ATP11B: variants seen among roughly 807,000 people sequenced by gnomAD.
The protein encoded by ATP11B is phospholipid-transporting ATPase IF.
Under a neutral mutation model 157.8 loss-of-function variants are expected in ATP11B, and 81 were observed. The ratio of observed to expected loss-of-function variants is 0.51; its 90% CI spans 0.43 to 0.62. The LOEUF (loss-of-function observed/expected upper bound fraction) is 0.62, where lower values mean the gene tolerates loss of function less well. Among genes scored for constraint, ATP11B ranks in the 20% least tolerant of loss-of-function variants. The pLI is 0.00. For missense variants in ATP11B, 1,165 were observed against 1,402.2 expected (o/e 0.83, Z 2.70); for synonymous variants, 451 against 469.4 (o/e 0.96, Z 0.51).
At chr3:182,844,826 C>T (rs566631702) in intron 8 of ATP11B, among the ~76,000 whole-genome samples, 39 of 152,040 alleles carry the variant, frequency 2.6e-4, no homozygotes, top group Middle Eastern at 6.8e-3. Context: ...TTTTAAATCG[C>T]TGCTTACTCT....
At chr3:182,849,576 A>G (rs2108523719) in intron 10 of ATP11B, among the ~76,000 whole-genome samples, 1 of 152,344 alleles carries the variant, frequency 6.6e-6, no homozygotes, top group Admixed American at 6.5e-5. Context: ...AAAACACAGC[A>G]GAGAAATGAA....
chr3:182,835,139 G>A (rs894608743), intron 4 of ATP11B, among the ~76,000 whole-genome samples: 4 of 152,118 alleles, frequency 2.6e-5, no homozygotes, highest in African/African-American at 9.7e-5. Context: ...AGGTACAAGA[G>A]GTAGAGGAGG....
intron 28 of ATP11B, among the ~76,000 whole-genome samples, chr3:182,913,208 A>G (rs939553385): frequency 3.3e-5 from 5 of 152,246 alleles, no homozygotes; most frequent in African/African-American, 1.2e-4. Flanking sequence ...GGATGAGCTG[A>G]TGATGGGATG....
chr3:182,889,723 CAG>C (rs964425265), intron 25 of ATP11B, among the ~76,000 whole-genome samples, 175 bp downstream of exon 25: 1 of 152,096 alleles, frequency 6.6e-6, no homozygotes, highest in African/African-American at 2.4e-5. Context: ...TGAAAATTGA[CAG>C]GCAATACAGT....
chr3:182,811,316 A>G (rs1471522958), intron 1 of ATP11B, among the ~76,000 whole-genome samples: 2 of 152,224 alleles, frequency 1.3e-5, no homozygotes, highest in African/African-American at 2.4e-5. Flanking sequence ...TTTATGTTCA[A>G]ATAGAAGGTT....
chr3:182,834,378 G>A (rs569517113), intron 4 of ATP11B, among the ~76,000 whole-genome samples: 4 of 151,872 alleles, frequency 2.6e-5, no homozygotes, highest in Middle Eastern at 3.4e-3. Context: ...TTTTTTAAGG[G>A]AAACAGCACA....
chr3:182,794,481 A>G (rs1715474501), intron 1 of ATP11B, among the ~76,000 whole-genome samples: 1 of 152,162 alleles, frequency 6.6e-6, no homozygotes. Flanking sequence ...CCCCACCCCG[A>G]GTGAAACTTT....
intron 2 of ATP11B, among the ~76,000 whole-genome samples, chr3:182,824,431 T>A (rs1458806712): frequency 6.6e-6 from 1 of 152,224 alleles, no homozygotes; most frequent in Non-Finnish European, 1.5e-5. Context: ...CAATTTATAC[T>A]TCTTCCATTT....
intron 1 of ATP11B, among the ~76,000 whole-genome samples, chr3:182,807,454 C>T (rs991220698): frequency 6.6e-6 from 1 of 152,176 alleles, no homozygotes; most frequent in Non-Finnish European, 1.5e-5. Flanking sequence ...TCCTCTTACA[C>T]ATGTTATATA....
In ATP11B at chr3:182,793,579, G is replaced by A; in HGVS notation, c.-181G>A. On this transcript the variant is annotated 5_prime_UTR_variant, in exon 1 of 30. It removes the in-frame stop codon of an upstream open reading frame in the 5' UTR. Transcript: ENST00000323116. ...GGGCGGCGCCGGGGCCGCGCCTGTA[G>A]GACTCGGGGCCGACGCCGCGGGATG... 1 of 376,368 alleles carries A rather than the reference G, an allele frequency of 2.7e-6. No individual in the cohort carries two copies. The highest frequency in any genetic ancestry group is 4.7e-6 in the Non-Finnish European group (1 of 213,210). 23.3% of individuals were successfully genotyped at this position (376,368 alleles called of 1,614,324 possible). A position where few individuals can be genotyped will look rare whatever the true frequency, so the allele number is the denominator to read the frequency against.
chr3:182,823,141 G>T (rs1324894299), intron 2 of ATP11B, among the ~76,000 whole-genome samples: 1 of 152,150 alleles, frequency 6.6e-6, no homozygotes. Flanking sequence ...TGTCAATTTT[G>T]GCTTTTGTTG....
intron 10 of ATP11B, among the ~76,000 whole-genome samples, chr3:182,856,599 G>A (rs942165565): frequency 5.9e-5 from 9 of 152,066 alleles, no homozygotes; most frequent in African/African-American, 2.4e-5. Context: ...CTCTTGATCC[G>A]GGTGTTCTCA....
intron 12 of ATP11B, among the ~76,000 whole-genome samples, chr3:182,860,135 A>G (rs1253427684): frequency 6.6e-6 from 1 of 151,948 alleles, no homozygotes; most frequent in Non-Finnish European, 1.5e-5. Flanking sequence ...ATGTCTTCCT[A>G]CCTGTGGCTT....
intron 1 of ATP11B, among the ~76,000 whole-genome samples, chr3:182,817,657 G>T (rs999870229): frequency 6.6e-6 from 1 of 152,130 alleles, no homozygotes; most frequent in Non-Finnish European, 1.5e-5. Flanking sequence ...TGTGGTCATT[G>T]GTTCTTATCA....
At chr3:182,857,563 T>TAA (rs35003893) in intron 10 of ATP11B, among the ~76,000 whole-genome samples, 276 of 144,092 alleles carry the variant, frequency 1.9e-3, no homozygotes, top group East Asian at 6.0e-3. Context: ...GCTGAAAATG[T>TAA]AAAAAAAAAA....
chr3:182,879,541 G>A lies in ATP11B; in HGVS notation c.2298G>A (p.Gly766=), dbSNP rs748444531. 8 of 1,613,506 alleles carry A rather than the reference G, an allele frequency of 5.0e-6. No individual in the cohort carries two copies. The highest frequency in any genetic ancestry group is 5.1e-6 in the Non-Finnish European group (6 of 1,179,752). Residue 766 remains glycine, a synonymous_variant, in exon 20 of 30, where the codon GGG becomes GGA. Transcript: ENST00000323116. ...TTCAGCATGGGCTGGTAGTGGATGG[G>A]ACCAGCCTATCTCTTGCACTCAGGG... ...HVIQHGLVVD[G]TSLSLALREH...
At chr3:182,875,966 G>A (rs549565210) in intron 19 of ATP11B, among the ~76,000 whole-genome samples, 3 of 152,068 alleles carry the variant, frequency 2.0e-5, no homozygotes, top group Middle Eastern at 3.4e-3. Context: ...TTTTTTTCTG[G>A]CTGGGCACAG....
At position 182,899,652 on chromosome 3, in the gene ATP11B, A is replaced by C. The variant is rs571337780; in HGVS notation, c.3318+880A>C. Among the ~76,000 whole-genome samples, 21 of 152,338 alleles carry C rather than the reference A, an allele frequency of 1.4e-4. No individual in the cohort carries two copies. The South Asian group carries it at 4.4e-3, about 32-fold the overall frequency. ...TTTGGGGCCTGATAGATCTCAGTTC[A>C]AATCCCAGGTCTTCCACTTGGTATC... is the stretch of plus-strand genomic sequence containing the variant. On this transcript the variant is annotated intron_variant, in intron 28 of 29. Coordinates refer to ENST00000323116, the MANE Select transcript of ATP11B (RefSeq NM_014616.3).
At chr3:182,865,820 A>G in intron 13 of ATP11B, 122 bp downstream of exon 13, 2 of 741,386 alleles carry the variant, frequency 2.7e-6, no homozygotes, top group Non-Finnish European at 2.2e-6. Context: ...TGAAATTCAT[A>G]TATTTGATTC....
Sources: allele counts gnomAD v4.1 joint callset (sites outside exome capture counted in the v4.1 genomes callset), GRCh38; gene constraint gnomAD v4.1.1; transcripts MANE v1.5; gene names NCBI Gene and HGNC (gene_info 2026-07-23, HGNC 2026-07-21).